TRIO: variants seen among roughly 807,000 people sequenced by gnomAD.
TRIO encodes the protein triple functional domain protein.
In TRIO, 58 loss-of-function variants were observed where a neutral mutation model predicts 351.9. That is an observed-to-expected ratio of 0.16 (90% confidence interval 0.13 to 0.21). The LOEUF (loss-of-function observed/expected upper bound fraction) is 0.21. TRIO is among the 10% of genes least tolerant of loss of function. TRIO has a pLI of 1.00. For synonymous variants in TRIO, 1,758 were observed against 1,595.7 expected (o/e 1.10, Z -2.42); for missense variants, 3,201 against 4,027.8 (o/e 0.79, Z 5.56).
Position 14,390,317 on chromosome 5 carries a change from C to T in TRIO, c.4128+17C>T. The T allele has an allele frequency of 1.2e-6, 2 of 1,612,448 alleles. No homozygotes were observed. The highest frequency in any genetic ancestry group is 8.5e-7 in the Non-Finnish European group (1 of 1,178,990). ...GTTACTTGGGTAATGAAACCTCAAC[C>T]ATTTGTTCTCTCCCAGCTATTAGGT... On this transcript the variant is annotated intron_variant, in intron 26 of 56. Transcript: ENST00000344204.
At chr5:14,419,132 G>A (rs1023301164) in intron 33 of TRIO, among the ~76,000 whole-genome samples, 3 of 152,290 alleles carry the variant, frequency 2.0e-5, no homozygotes, top group East Asian at 1.9e-4. Flanking sequence ...GAAACGAGCC[G>A]ATGTCTGCAG....
chr5:14,492,583 G>A lies in TRIO; in HGVS notation c.7649G>A (p.Ser2550Asn), dbSNP rs994340578. 12 of 1,614,150 alleles carry A rather than the reference G, an allele frequency of 7.4e-6. No homozygotes were observed. The highest frequency in any genetic ancestry group is 1.0e-5 in the Non-Finnish European group (12 of 1,180,026). Reference protein sequence around the residue: ...TQSNGSESSSSSNISTMLVTH... With the variant: ...TQSNGSESSSNSNISTMLVTH... ...CCTCTGCAGAGTGAAAGCAGCAGCA[G>A]TAGCAACATCTCCACCATGTTGGTG... Residue 2550 changes from serine to asparagine, a missense_variant, in exon 49 of 57, where the codon AGT (serine) becomes AAT (asparagine). Ser to Asn is a conservative substitution (Grantham distance 46). Transcript: ENST00000344204.
chr5:14,360,959 C>T (rs1045092761), intron 13 of TRIO, among the ~76,000 whole-genome samples: 1 of 152,186 alleles, frequency 6.6e-6, no homozygotes, highest in Non-Finnish European at 1.5e-5. Flanking sequence ...GGAGAAGAGG[C>T]ACCTGCACGC....
rs376285737 is a variant in TRIO at position 14,225,398 on chromosome 5, T to A, written c.158-45427T>A. Among the ~76,000 whole-genome samples, 290 of 152,310 alleles carry A rather than the reference T, an allele frequency of 1.9e-3. 6 individuals are homozygous for A. The South Asian group carries it at 0.036, about 19-fold the overall frequency. ...CTCCACCGTTTCTGTAGGTCAGGTG[T>A]CTGGGTAGTTGGATTCTCTGTTCAG... On this transcript the variant is annotated intron_variant, in intron 1 of 56. Coordinates refer to ENST00000344204, the MANE Select transcript of TRIO (RefSeq NM_007118.4).
At chr5:14,461,944 A>G (rs1480366032) in intron 35 of TRIO, among the ~76,000 whole-genome samples, 1 of 152,200 alleles carries the variant, frequency 6.6e-6, no homozygotes, top group Non-Finnish European at 1.5e-5. Context: ...TGTCCTATTG[A>G]CAAGGGAGGC....
At chr5:14,367,901 A>G (rs1473082688) in intron 16 of TRIO, among the ~76,000 whole-genome samples, 3 of 152,194 alleles carry the variant, frequency 2.0e-5, no homozygotes, top group Non-Finnish European at 4.4e-5. Context: ...TGCAGGTAAT[A>G]AATCACTGTG....
chr5:14,499,343 G>A (rs568848034), intron 53 of TRIO, among the ~76,000 whole-genome samples: 1 of 152,208 alleles, frequency 6.6e-6, no homozygotes, highest in African/African-American at 2.4e-5. Context: ...CTTTCAAAAC[G>A]TCCTGTAGTT....
At chr5:14,481,424 GC>G (rs1755505083) in intron 44 of TRIO, 116 bp from the exon 45 acceptor site, 1 of 1,481,446 alleles carries the variant, frequency 6.8e-7, no homozygotes, top group African/African-American at 1.4e-5. Flanking sequence ...ATCTCCATAA[GC>G]CCTGCACACT....
At chr5:14,506,090 C>T (rs528456906) in intron 55 of TRIO, among the ~76,000 whole-genome samples, 118 of 152,294 alleles carry the variant, frequency 7.7e-4, no homozygotes, top group Middle Eastern at 3.4e-3. Flanking sequence ...CCTCAGGACC[C>T]GGGAGGTCTC....
At chr5:14,203,907 G>C (rs985329734) in intron 1 of TRIO, among the ~76,000 whole-genome samples, 1 of 152,190 alleles carries the variant, frequency 6.6e-6, no homozygotes, top group Non-Finnish European at 1.5e-5. Context: ...TGTTAATTGT[G>C]CACTCAAACC....
chr5:14,388,795 T>C, intron 24 of TRIO, 116 bp downstream of exon 24: 1 of 1,219,984 alleles, frequency 8.2e-7, no homozygotes, highest in Non-Finnish European at 1.1e-6. Context: ...TTCTGTCATT[T>C]TTTTAAATGT....
In TRIO at chr5:14,508,105, C is replaced by T. The variant is rs980240232; in HGVS notation, c.8977C>T (p.Leu2993=). The change falls in exon 57 of 57, where the codon CTG becomes TTG. Residue 2993 remains leucine (L), a synonymous_variant. Transcript: ENST00000344204. Reference sequence around the variant, plus strand: ...ACTTCTTAGTGGCGTGTCCCCCTTCCTGGATGACAGTGTGGAAGAGACCTG... The same window carrying T: ...ACTTCTTAGTGGCGTGTCCCCCTTCTTGGATGACAGTGTGGAAGAGACCTG... ...YVLLSGVSPF[L]DDSVEETCLN... The T allele has an allele frequency of 1.2e-6, 2 of 1,614,210 alleles. No homozygotes were observed. Among genetic ancestry groups the T allele is most frequent in the Admixed American group, 1.7e-5 (1 of 60,028 alleles).
chr5:14,299,532 C>T (rs765862824), intron 7 of TRIO, among the ~76,000 whole-genome samples: 3 of 152,280 alleles, frequency 2.0e-5, no homozygotes, highest in Middle Eastern at 3.4e-3. Context: ...TGTTGTGTCT[C>T]GTCCCCCTCA....
At chr5:14,247,321 G>A (rs1466289025) in intron 1 of TRIO, among the ~76,000 whole-genome samples, 2 of 152,216 alleles carry the variant, frequency 1.3e-5, no homozygotes, top group African/African-American at 2.4e-5. Flanking sequence ...CAGAATTAGG[G>A]GAAGATTAGC....
At chr5:14,192,847 T>C (rs943390368) in intron 1 of TRIO, among the ~76,000 whole-genome samples, 1 of 152,230 alleles carries the variant, frequency 6.6e-6, no homozygotes, top group African/African-American at 2.4e-5. Context: ...TGTCTGTTAA[T>C]TTTTATGATG....
intron 1 of TRIO, among the ~76,000 whole-genome samples, chr5:14,175,902 G>A (rs1789377248): frequency 6.6e-6 from 1 of 152,244 alleles, no homozygotes; most frequent in African/African-American, 2.4e-5. Context: ...TACAGTAAAA[G>A]TATTTCCTTT....
In TRIO at chr5:14,510,054, ATTGT is replaced by A. The variant is rs1280937984; in HGVS notation, c.*1635_*1638del. 1 of 152,132 alleles carries A rather than the reference ATTGT, an allele frequency of 6.6e-6. No homozygotes were observed. The highest frequency in any genetic ancestry group is 1.5e-5 in the Non-Finnish European group (1 of 68,024). The allele number at this position is 152,132 out of a possible 1,614,324, so 9.4% of individuals were successfully genotyped here. ...GTAACCTCATAATTTTTATTTGTGTATTGTTTCTTTTATTATTTCAGTTAAATTT... is the reference window on the plus strand; with the variant it reads ...GTAACCTCATAATTTTTATTTGTGTATTCTTTTATTATTTCAGTTAAATTT... On this transcript the variant is annotated 3_prime_UTR_variant, in exon 57 of 57. Transcript: ENST00000344204.
chr5:14,470,439 C>A (rs549107722), intron 37 of TRIO, among the ~76,000 whole-genome samples: 1 of 152,248 alleles, frequency 6.6e-6, no homozygotes, highest in South Asian at 2.1e-4. Flanking sequence ...CAGTTTGTTG[C>A]TTTGGGAATG....
At chr5:14,190,322 TGATGACA>T (rs1790380903) in intron 1 of TRIO, among the ~76,000 whole-genome samples, 1 of 151,900 alleles carries the variant, frequency 6.6e-6, no homozygotes. Context: ...AAGGCTGAGG[TGATGACA>T]GAGCTAACAG....
Sources: allele counts gnomAD v4.1 joint callset (sites outside exome capture counted in the v4.1 genomes callset), GRCh38; gene constraint gnomAD v4.1.1; transcripts MANE v1.5; gene names NCBI Gene and HGNC (gene_info 2026-07-23, HGNC 2026-07-21).